Variants in NOX4 observed in about 807,000 individuals in gnomAD.
NOX4 encodes the protein kidney oxidase-1.
Under a neutral mutation model 87.6 loss-of-function variants are expected in NOX4, and 69 were observed. The observed-to-expected ratio is 0.79, with a 90% CI of 0.65 to 0.96. NOX4 has a LOEUF of 0.96. Ranked by LOEUF, NOX4 falls within the 40% of genes least tolerant of loss-of-function variation. The pLI is 0.00. For missense variants in NOX4, 680 were observed against 681.5 expected (o/e 1.00, Z 0.02); for synonymous variants, 275 against 238.2 (o/e 1.15, Z -1.42).
intron 5 of NOX4, 21 bp from the exon 6 acceptor site, chr11:89,440,736 T>C: frequency 7.1e-7 from 1 of 1,406,810 alleles, no homozygotes; most frequent in Middle Eastern, 2.1e-4. Context: ...GAAAAAAAAA[T>C]AAATGATTAA....
chr11:89,432,304 C>A (rs1943841295), intron 7 of NOX4, among the ~76,000 whole-genome samples: 1 of 151,740 alleles, frequency 6.6e-6, no homozygotes, highest in Non-Finnish European at 1.5e-5. Context: ...ACATATGTAA[C>A]AAACCTGCAC....
At chr11:89,470,363 A>C (rs985930207) in intron 2 of NOX4, among the ~76,000 whole-genome samples, 1 of 152,188 alleles carries the variant, frequency 6.6e-6, no homozygotes, top group Non-Finnish European at 1.5e-5. Flanking sequence ...TATTTCACTC[A>C]TATGATCTAA....
the NOX4 span, among the ~76,000 whole-genome samples, chr11:89,587,294 C>A: frequency 1.3e-5 from 2 of 152,000 alleles, no homozygotes; most frequent in African/African-American, 2.4e-5. Flanking sequence ...AATGGTGATG[C>A]CGCTATATAG....
intron 12 of NOX4, among the ~76,000 whole-genome samples, chr11:89,369,768 A>G (rs796330239): frequency 3.6e-3 from 381 of 105,328 alleles, no homozygotes; most frequent in East Asian, 6.6e-3. Flanking sequence ...TTGTTTGTTT[A>G]TTTATTTATT....
Position 89,432,876 on chromosome 11 carries a change from T to A in NOX4, c.476-20A>T. The A allele has an allele frequency of 6.4e-7, 1 of 1,556,234 alleles. No homozygotes were observed. Among genetic ancestry groups the A allele is most frequent in the South Asian group, 1.1e-5 (1 of 89,314 alleles). On this transcript the variant is annotated intron_variant, in intron 6 of 17. Transcript: ENST00000263317. ...CAGGAACTATAAAAATGTATACAAG[T>A]AGGTTTTTACTTAAATCATAGTGAG...
intron 8 of NOX4, among the ~76,000 whole-genome samples, chr11:89,410,476 G>A (rs936993171): frequency 1.1e-4 from 16 of 152,120 alleles, no homozygotes; most frequent in Non-Finnish European, 1.8e-4. Flanking sequence ...GCATAAAGAT[G>A]GGAAATAAAC....
At position 89,491,297 on chromosome 11, in the gene NOX4, C is replaced by G. The variant is rs747898425; in HGVS notation, c.-51G>C. ...CTGTGCCCGCCGGACCGAGAAGGAG[C>G]GGGCGGCGGCCGGGGCAGCGGTTAC... On this transcript the variant is annotated 5_prime_UTR_variant, in exon 1 of 18. Transcript: ENST00000263317. 11 of 1,558,186 alleles carry G rather than the reference C, an allele frequency of 7.1e-6. No homozygotes were observed. In the African/African-American group the frequency reaches 1.2e-4, roughly 17 times the overall value.
rs144113376 is a variant in NOX4, at chr11:89,373,277, CAAAAAAAAAAA to C, written c.1135+144_1135+154del. On this transcript the variant is annotated intron_variant, in intron 12 of 17. Coordinates refer to ENST00000263317, the MANE Select transcript of NOX4 (RefSeq NM_016931.5). ...AACACAGATGTCAAAACTGTACAAG[CAAAAAAAAAAA>C]AAAAAAAAAACAAAAAAAAACCCAG... Among the ~76,000 whole-genome samples, 9 of 59,100 alleles carry C rather than the reference CAAAAAAAAAAA, an allele frequency of 1.5e-4. No individual in the cohort carries two copies. In the Admixed American group the frequency reaches 1.8e-3, roughly 12 times the overall value. The allele number at this position is 59,100 out of a possible 152,430, so 38.8% of individuals were successfully genotyped here.
intron 13 of NOX4, among the ~76,000 whole-genome samples, chr11:89,351,668 C>T (rs866721380): frequency 6.6e-6 from 1 of 152,130 alleles, no homozygotes; most frequent in African/African-American, 2.4e-5. Context: ...TAAATCTACT[C>T]TGTTTTCACT....
chr11:89,364,161 T>G (rs914569117), intron 12 of NOX4, among the ~76,000 whole-genome samples: 8 of 152,006 alleles, frequency 5.3e-5, no homozygotes, highest in African/African-American at 1.9e-4. Context: ...ACAAGAGGAT[T>G]GCTCAAGCCC....
chr11:89,385,489 T>A (rs1940635806), intron 11 of NOX4, among the ~76,000 whole-genome samples: 1 of 152,176 alleles, frequency 6.6e-6, no homozygotes. Flanking sequence ...CAAGGCAAAT[T>A]GTTCTTGGAC....
At chr11:89,348,503 G>GCTA (rs1946314176) in intron 13 of NOX4, among the ~76,000 whole-genome samples, 1 of 151,816 alleles carries the variant, frequency 6.6e-6, no homozygotes, top group South Asian at 2.1e-4. Flanking sequence ...TGTGGTCCCA[G>GCTA]CTACACTGGA....
intron 11 of NOX4, among the ~76,000 whole-genome samples, chr11:89,399,473 T>TATATATA (rs1941698336): frequency 6.8e-5 from 5 of 73,500 alleles, no homozygotes; most frequent in African/African-American, 1.6e-4. Context: ...ATATATATAT[T>TATATATA]TGTTTTTTGA....
chr11:89,403,219 A>T, intron 8 of NOX4, among the ~76,000 whole-genome samples: 1 of 152,142 alleles, frequency 6.6e-6, no homozygotes, highest in East Asian at 1.9e-4. Flanking sequence ...AACCAAGACA[A>T]ACCATTCAAC....
intron 12 of NOX4, among the ~76,000 whole-genome samples, chr11:89,370,793 A>G (rs1486679412): frequency 2.0e-5 from 3 of 152,030 alleles, no homozygotes; most frequent in African/African-American, 7.2e-5. Flanking sequence ...TCTAGACAAC[A>G]AATATGAGAC....
chr11:89,336,635 G>A lies in NOX4; in HGVS notation c.1516-690C>T, dbSNP rs549950441. On this transcript the variant is annotated intron_variant, in intron 16 of 17. Transcript: ENST00000263317. ...GAAAGGAGGAAGTATCTGAGTCCCA[G>A]GCAGGCAAACTGAGAACCAGATGCA... Among the ~76,000 whole-genome samples the A allele has an allele frequency of 7.9e-5, 12 of 151,996 alleles. No homozygotes were observed. The South Asian group carries it at 2.3e-3, about 29-fold the overall frequency.
chr11:89,565,139 A>T, the NOX4 span, among the ~76,000 whole-genome samples: 1 of 152,186 alleles, frequency 6.6e-6, no homozygotes, highest in South Asian at 2.1e-4. Context: ...TCATGAACAT[A>T]TATTCTCTTC....
Position 89,341,892 on chromosome 11 carries a change from C to T in NOX4, c.1337+182G>A, listed in dbSNP as rs1383900603. On this transcript the variant is annotated intron_variant, in intron 14 of 17. Coordinates refer to ENST00000263317, the MANE Select transcript of NOX4 (RefSeq NM_016931.5). ...TGACATCTTTCTACAAGAGAATATG[C>T]TAGCAGCCACAGACCACATGTTGAG... Among the ~76,000 whole-genome samples the T allele has an allele frequency of 3.3e-5, 5 of 152,172 alleles. No homozygotes were observed. In the South Asian group the frequency reaches 6.2e-4, roughly 19 times the overall value.
chr11:89,541,673 A>T, the NOX4 span, among the ~76,000 whole-genome samples: 1 of 152,220 alleles, frequency 6.6e-6, no homozygotes, highest in African/African-American at 2.4e-5. Flanking sequence ...TTTTTATTAA[A>T]TGTACAGAAA....
Sources: gnomAD v4.1 joint callset for allele counts (sites outside exome capture counted in the v4.1 genomes callset) on GRCh38, gnomAD v4.1.1 for gene constraint, MANE v1.5 for transcripts, NCBI Gene and HGNC (gene_info 2026-07-23, HGNC 2026-07-21) for gene names.